The following RBM33 variants were observed in gnomAD, a reference collection of about 807,000 sequenced individuals.
RBM33 encodes RNA binding motif protein 33, also known as RNA-binding protein 33.
In RBM33, 28 loss-of-function variants were observed where a neutral mutation model predicts 132.6. The observed-to-expected ratio is 0.21, with a 90% CI of 0.16 to 0.29. The LOEUF (loss-of-function observed/expected upper bound fraction) is 0.29, where lower values mean the gene tolerates loss of function less well. Among genes scored for constraint, RBM33 ranks in the 10% least tolerant of loss-of-function variants. The pLI, the probability that RBM33 is intolerant of heterozygous loss-of-function variation, is 1.00. For synonymous variants in RBM33, 634 were observed against 593.0 expected (o/e 1.07, Z -1.01); for missense variants, 1,291 against 1,518.5 (o/e 0.85, Z 2.49).
chr7:155,770,326 A>T (rs1283680648), intron 16 of RBM33, among the ~76,000 whole-genome samples: 2 of 152,160 alleles, frequency 1.3e-5, no homozygotes, highest in African/African-American at 4.8e-5. Context: ...CAGGCGCCCT[A>T]TTTCCAACAG....
At chr7:155,764,236 C>T (rs1802140190) in intron 15 of RBM33, among the ~76,000 whole-genome samples, 1 of 152,182 alleles carries the variant, frequency 6.6e-6, no homozygotes, top group Non-Finnish European at 1.5e-5. Context: ...AGAAGAGCAC[C>T]CGCAGCCAGC....
intron 2 of RBM33, among the ~76,000 whole-genome samples, chr7:155,666,750 G>C (rs1393806550): frequency 6.6e-6 from 1 of 151,944 alleles, no homozygotes; most frequent in African/African-American, 2.4e-5. Context: ...TGATTTTAGG[G>C]ACTGTTTATA....
chr7:155,763,282 A>G (rs1802096333), intron 14 of RBM33, among the ~76,000 whole-genome samples: 1 of 152,208 alleles, frequency 6.6e-6, no homozygotes, highest in Admixed American at 6.5e-5. Flanking sequence ...AGGTCAGAGT[A>G]TTTGAAGTTC....
chr7:155,772,555 A>T lies in RBM33; in HGVS notation c.3376-2004A>T, dbSNP rs1165346187. On this transcript the variant is annotated intron_variant, in intron 16 of 17. Transcript: ENST00000401878. Reference sequence around the variant, plus strand: ...CCATATTGCAAGCCATATTGCTGAGAATGTATCCAGGAGACCACGTTGTGG... The same window carrying T: ...CCATATTGCAAGCCATATTGCTGAGTATGTATCCAGGAGACCACGTTGTGG... Among the ~76,000 whole-genome samples, 6 of 152,214 alleles carry T rather than the reference A, an allele frequency of 3.9e-5. 1 individual carries two copies.
rs1799935328 is a variant in RBM33 at position 155,700,662 on chromosome 7, A to T, written c.568-111A>T. ...GCCTTTTAACAGGACATTTTGCAGT[A>T]TTTTTTACATCTGAAATATAAACAA... On this transcript the variant is annotated intron_variant, in intron 5 of 17. Coordinates refer to ENST00000401878, the MANE Select transcript of RBM33 (RefSeq NM_053043.3). 4 of 748,634 alleles carry T rather than the reference A, an allele frequency of 5.3e-6. No homozygotes were observed. The South Asian group carries it at 8.4e-5, about 16-fold the overall frequency. The allele number at this position is 748,634 out of a possible 1,614,324, so 46.4% of individuals were successfully genotyped here.
In RBM33 at chr7:155,707,323, C is replaced by T. The variant is rs898292341; in HGVS notation, c.948+255C>T. On this transcript the variant is annotated intron_variant, in intron 7 of 17. Coordinates refer to ENST00000401878, the MANE Select transcript of RBM33 (RefSeq NM_053043.3). Reference sequence around the variant, plus strand: ...TTCCAGAGGAGGAATTAATGAGCGACCTGATGCCCTAAGATGACATAAGCT... The same window carrying T: ...TTCCAGAGGAGGAATTAATGAGCGATCTGATGCCCTAAGATGACATAAGCT... 4 of 604,160 alleles carry T rather than the reference C, an allele frequency of 6.6e-6. No homozygotes were observed. In the African/African-American group the frequency reaches 7.3e-5, roughly 11 times the overall value. The allele number at this position is 604,160 out of a possible 1,614,324, so 37.4% of individuals were successfully genotyped here.
At chr7:155,740,453 T>C (rs548506129) in intron 12 of RBM33, among the ~76,000 whole-genome samples, 1 of 152,344 alleles carries the variant, frequency 6.6e-6, no homozygotes, top group South Asian at 2.1e-4. Flanking sequence ...GAAAAATACG[T>C]TGACTGTTCT....
chr7:155,658,980 C>T (rs1476163905), intron 1 of RBM33, among the ~76,000 whole-genome samples: 1 of 152,150 alleles, frequency 6.6e-6, no homozygotes, highest in African/African-American at 2.4e-5. Context: ...GGAAATCTAC[C>T]AGGTCGCTGG....
At chr7:155,699,724 T>C (rs1481777960) in intron 5 of RBM33, among the ~76,000 whole-genome samples, 1 of 152,162 alleles carries the variant, frequency 6.6e-6, no homozygotes, top group Non-Finnish European at 1.5e-5. Context: ...AGAGTGTGCA[T>C]TTGTAGTTGG....
chr7:155,739,509 TG>T, intron 11 of RBM33: 1 of 594,522 alleles, frequency 1.7e-6, no homozygotes, highest in South Asian at 2.2e-5. Context: ...CTAGAATTAC[TG>T]GATTAAATAT....
chr7:155,680,751 T>C lies in RBM33; in HGVS notation c.410T>C (p.Leu137Ser). 1 of 1,613,654 alleles carries C rather than the reference T, an allele frequency of 6.2e-7. No homozygotes were observed. Among genetic ancestry groups the C allele is most frequent in the Non-Finnish European group, 8.5e-7 (1 of 1,179,728 alleles). Reference sequence around the variant, plus strand: ...TATCACAAATCTGATGGATCAGAATTGTATACTCAAGAGTACCCAGAAGAA... The same window carrying C: ...TATCACAAATCTGATGGATCAGAATCGTATACTCAAGAGTACCCAGAAGAA... ...LVYHKSDGSE[L>S]YTQEYPEEGQ... The change falls in exon 5 of 18, where the codon TTG (leucine) becomes TCG (serine). Residue 137 changes from leucine to serine, a missense_variant. Leu to Ser is a moderately radical substitution (Grantham distance 145). Around this residue, in one of 7 missense-constraint regions of RBM33, gnomAD observed 194 missense variants for 249.8 expected, o/e 0.78. Coordinates refer to ENST00000401878, the MANE Select transcript of RBM33 (RefSeq NM_053043.3).
intron 6 of RBM33, among the ~76,000 whole-genome samples, chr7:155,704,068 G>A (rs571957201): frequency 1.2e-4 from 18 of 152,154 alleles, no homozygotes; most frequent in Non-Finnish European, 2.1e-4. Flanking sequence ...TGTGAAACGA[G>A]TTCTCTTCCA....
chr7:155,743,721 C>T (rs756198301), intron 13 of RBM33, among the ~76,000 whole-genome samples: 2 of 152,130 alleles, frequency 1.3e-5, no homozygotes, highest in Non-Finnish European at 2.9e-5. Context: ...GAGGTCTTTT[C>T]AAGTATTTCA....
chr7:155,772,286 CGGGTTAGGTTAGGGTTA>C (rs945085178), intron 16 of RBM33, among the ~76,000 whole-genome samples: 8 of 79,874 alleles, frequency 1.0e-4, no homozygotes, highest in East Asian at 7.6e-4. Context: ...GGTTTAGGTT[CGGGTTAGGTTAGGGTTA>C]GGGTTAGGCT....
At chr7:155,668,414 G>A (rs1798857899) in intron 2 of RBM33, among the ~76,000 whole-genome samples, 1 of 152,166 alleles carries the variant, frequency 6.6e-6, no homozygotes, top group Admixed American at 6.5e-5. Context: ...ACTCCCTGAG[G>A]TGTTTTTAGT....
At chr7:155,683,956 A>G (rs548576930) in intron 5 of RBM33, among the ~76,000 whole-genome samples, 1 of 152,274 alleles carries the variant, frequency 6.6e-6, no homozygotes, top group Non-Finnish European at 1.5e-5. Context: ...GATTAGCATC[A>G]TTTATTTGAC....
At chr7:155,771,334 TG>T (rs1240913164) in intron 16 of RBM33, among the ~76,000 whole-genome samples, 1 of 152,218 alleles carries the variant, frequency 6.6e-6, no homozygotes, top group Non-Finnish European at 1.5e-5. Context: ...AGGTCAAAAA[TG>T]GTTGAATATT....
rs114952764 is a variant in RBM33 at position 155,696,816 on chromosome 7, T to C, written c.568-3957T>C. ...ATCGTTGTCTCTCCATTCCCCTTTG[T>C]TGTGTGACAGTTTCTTAGTGTTTCC... On this transcript the variant is annotated intron_variant, in intron 5 of 17. Transcript: ENST00000401878. Among the ~76,000 whole-genome samples, 423 of 152,328 alleles carry C rather than the reference T, an allele frequency of 2.8e-3. 2 individuals are homozygous for C. Among genetic ancestry groups the C allele is most frequent in the African/African-American group, 9.5e-3 (395 of 41,578 alleles).
In RBM33 at chr7:155,739,926, T is replaced by A. The variant is rs1245061290; in HGVS notation, c.1949T>A (p.Met650Lys). The A allele has an allele frequency of 6.4e-7, 1 of 1,551,338 alleles. No homozygotes were observed. Among genetic ancestry groups the A allele is most frequent in the South Asian group, 1.2e-5 (1 of 84,022 alleles). Residue 650 changes from methionine (M) to lysine (K), a missense_variant, in exon 12 of 18, where the codon ATG (methionine) becomes AAG (lysine). Around this residue, in one of 7 missense-constraint regions of RBM33, gnomAD observed 841 missense variants for 912.0 expected, o/e 0.92. Transcript: ENST00000401878. ...HHLSVPPPPL[M>K]PMSQPQFRPH... ...CTGTCCGTCCCGCCCCCTCCTTTGA[T>A]GCCGATGTCTCAGCCACAGTTCCGG...
Sources: allele counts gnomAD v4.1 joint callset (sites outside exome capture counted in the v4.1 genomes callset), GRCh38; gene constraint gnomAD v4.1.1; regional missense constraint gnomAD v4.1.1; transcripts MANE v1.5; gene names NCBI Gene and HGNC (gene_info 2026-07-23, HGNC 2026-07-21).